Variants in MRC2 observed in about 807,000 individuals in gnomAD.
The protein encoded by MRC2 is C-type mannose receptor 2.
Under a neutral mutation model 206.2 loss-of-function variants are expected in MRC2, and 84 were observed. That is an observed-to-expected ratio of 0.41 (90% CI 0.34 to 0.49). MRC2 has a LOEUF of 0.49. Ranked by LOEUF, MRC2 falls within the 20% of genes least tolerant of loss-of-function variation. The pLI, the probability that MRC2 is intolerant of heterozygous loss-of-function variation, is 0.31. For missense variants in MRC2, 1,676 were observed against 2,001.5 expected (o/e 0.84, Z 3.10); for synonymous variants, 798 against 800.0 (o/e 1.00, Z 0.04).
chr17:62,656,294 C>A (rs2088618906), intron 1 of MRC2, among the ~76,000 whole-genome samples: 1 of 152,168 alleles, frequency 6.6e-6, no homozygotes, highest in Non-Finnish European at 1.5e-5. Flanking sequence ...ATTCACCCGC[C>A]TCGGCCTCCC....
At chr17:62,649,923 A>G (rs2088535551) in intron 1 of MRC2, among the ~76,000 whole-genome samples, 1 of 150,872 alleles carries the variant, frequency 6.6e-6, no homozygotes, top group Non-Finnish European at 1.5e-5. Context: ...TTTTGAGACA[A>G]GAGTGTCGCT....
chr17:62,654,315 C>T (rs2088592456), intron 1 of MRC2, among the ~76,000 whole-genome samples: 3 of 152,066 alleles, frequency 2.0e-5, no homozygotes. Context: ...TGCCTGCAGC[C>T]TTTGCTCCTG....
In MRC2 at chr17:62,666,604, C is replaced by G; in HGVS notation, c.844C>G (p.Gln282Glu). 6.3e-7 allele frequency: 1 copy of G among 1,592,788 alleles called. No homozygotes were observed. The highest frequency in any genetic ancestry group is 8.5e-7 in the Non-Finnish European group (1 of 1,169,984). ...GCTGAGCATCACGGAGATCCACGAG[C>G]AGACCTACATCAACGGTGAGCCGGG... is the stretch of plus-strand genomic sequence containing the variant. ...DLLSITEIHE[Q>E]TYINGLLTGY... is the part of the protein sequence containing the mutation. The change falls in exon 4 of 30, where the codon CAG (glutamine) becomes GAG (glutamate). Residue 282 changes from glutamine (Q) to glutamate (E), a missense_variant. Coordinates refer to ENST00000303375, the MANE Select transcript of MRC2 (RefSeq NM_006039.5). The surrounding 1 kb of genome is among the most constrained non-coding windows in gnomAD (Gnocchi z 5.0).
At position 62,680,338 on chromosome 17, in the gene MRC2, G is replaced by A; in HGVS notation, c.2437+30G>A. On this transcript the variant is annotated intron_variant, in intron 15 of 29. Coordinates refer to ENST00000303375, the MANE Select transcript of MRC2 (RefSeq NM_006039.5). This position sits in a 1 kb window ranked among gnomAD's most constrained non-coding sequence, Gnocchi z 4.8. ...GCCGGAGTGGCGCTGGGGGACGCGG[G>A]ATGGAGCGAAGGGTGGCGGGGCCAG... The A allele has an allele frequency of 1.2e-6, 2 of 1,613,712 alleles. No homozygotes were observed. The highest frequency in any genetic ancestry group is 1.7e-6 in the Non-Finnish European group (2 of 1,179,722).
chr17:62,690,424 A>G, intron 26 of MRC2, 119 bp downstream of exon 26: 1 of 1,403,342 alleles, frequency 7.1e-7, no homozygotes, highest in Non-Finnish European at 9.6e-7. Flanking sequence ...CTTACACAAG[A>G]TGCCCTCGTG....
chr17:62,674,453 G>C (rs1187330646), intron 9 of MRC2, among the ~76,000 whole-genome samples: 1 of 152,194 alleles, frequency 6.6e-6, no homozygotes, highest in East Asian at 1.9e-4. Flanking sequence ...GAACAGGGAG[G>C]TGGGGGCTGG....
At chr17:62,654,624 T>C (rs913560517) in intron 1 of MRC2, among the ~76,000 whole-genome samples, 1 of 152,068 alleles carries the variant, frequency 6.6e-6, no homozygotes, top group African/African-American at 2.4e-5. Context: ...ACACAAACTG[T>C]TGTCAAGCCT....
chr17:62,666,082 C>A lies in MRC2; in HGVS notation c.521-12C>A, dbSNP rs750466907. On this transcript the variant is annotated splice_polypyrimidine_tract_variant and intron_variant, in intron 2 of 29. Transcript: ENST00000303375. This position sits in a 1 kb window ranked among gnomAD's most constrained non-coding sequence, Gnocchi z 5.0. The stretch of plus-strand genomic sequence containing the variant: ...AGATGCCAAGGGCCTGGCCCCTGTC[C>A]ACCCCCTGCAGAGGTCTACACCATC... 9 of 1,576,856 alleles carry A rather than the reference C, an allele frequency of 5.7e-6. No homozygotes were observed. Among genetic ancestry groups the A allele is most frequent in the Non-Finnish European group, 7.8e-6 (9 of 1,160,946 alleles).
intron 27 of MRC2, 40 bp downstream of exon 27, chr17:62,690,801 G>A (rs1323068242): frequency 6.5e-7 from 1 of 1,542,862 alleles, no homozygotes; most frequent in Non-Finnish European, 8.7e-7. Context: ...TCAAGCCTCA[G>A]GCTGTAAGGG....
Position 62,674,948 on chromosome 17 carries a change from G to T in MRC2, c.1569+778G>T, listed in dbSNP as rs2088873270. Among the ~76,000 whole-genome samples, 3 of 152,030 alleles carry T rather than the reference G, an allele frequency of 2.0e-5. No homozygotes were observed. The South Asian group carries it at 6.2e-4, about 32-fold the overall frequency. ...ATTAAGCCCCTACCACACCCACCTG[G>T]ACCCCAAAGCCTCCCCCAGAAAATG... is the stretch of plus-strand genomic sequence containing the variant. On this transcript the variant is annotated intron_variant, in intron 9 of 29. Coordinates refer to ENST00000303375, the MANE Select transcript of MRC2 (RefSeq NM_006039.5).
At position 62,683,280 on chromosome 17, in the gene MRC2, C is replaced by A. The variant is rs184733039; in HGVS notation, c.2946+903C>A. Reference sequence around the variant, plus strand: ...GATTAGGAGTTCGAGACCAGCCTGACCAACATGGAGAAACCCCATCTCTAC... The same window carrying A: ...GATTAGGAGTTCGAGACCAGCCTGAACAACATGGAGAAACCCCATCTCTAC... On this transcript the variant is annotated intron_variant, in intron 20 of 29. Coordinates refer to ENST00000303375, the MANE Select transcript of MRC2 (RefSeq NM_006039.5). 4.3e-3 allele frequency among the ~76,000 whole-genome samples: 651 copies of A among 149,772 alleles called. 7 individuals are homozygous for A. Among genetic ancestry groups the A allele is most frequent in the African/African-American group, 0.015 (621 of 40,804 alleles).
At chr17:62,682,089 G>C in intron 19 of MRC2, 146 bp from the exon 20 acceptor site, 1 of 1,107,144 alleles carries the variant, frequency 9.0e-7, no homozygotes, top group Non-Finnish European at 1.3e-6. Context: ...CTGTCTCCAT[G>C]GTCCAGAAGA....
rs2088831245 is a variant in MRC2 at position 62,671,908 on chromosome 17, G to C, written c.1306+71G>C. 6.2e-7 allele frequency: 1 copy of C among 1,600,654 alleles called. No homozygotes were observed. The highest frequency in any genetic ancestry group is 8.5e-7 in the Non-Finnish European group (1 of 1,171,496). On this transcript the variant is annotated intron_variant, in intron 7 of 29. Transcript: ENST00000303375. This position sits in a 1 kb window ranked among gnomAD's most constrained non-coding sequence, Gnocchi z 4.5. ...CCACTGCCCCACCCATCCTGTCCAG[G>C]AGCCTCAGAGAATGTTCCTTCCTCC...
chr17:62,628,063 C>T, intron 1 of MRC2, 143 bp downstream of exon 1: 1 of 543,310 alleles, frequency 1.8e-6, no homozygotes, highest in Non-Finnish European at 2.9e-6. Flanking sequence ...GTTTTTAAAA[C>T]TCGTCTCCGC....
In MRC2 at chr17:62,675,185, A is replaced by T. The variant is rs976721075; in HGVS notation, c.1570-605A>T. Among the ~76,000 whole-genome samples, 1 of 152,134 alleles carries T rather than the reference A, an allele frequency of 6.6e-6. No homozygotes were observed. Among genetic ancestry groups the T allele is most frequent in the Non-Finnish European group, 1.5e-5 (1 of 68,006 alleles). The stretch of plus-strand genomic sequence containing the variant: ...TTTGTGTGGGGAGTGTTGAGGGTCC[A>T]TGGTTAACAGCCCAGGATCACCAGG... On this transcript the variant is annotated intron_variant, in intron 9 of 29. Transcript: ENST00000303375. The surrounding 1 kb of genome is among the most constrained non-coding windows in gnomAD (Gnocchi z 4.1).
intron 2 of MRC2, 90 bp downstream of exon 2, chr17:62,665,039 T>G: frequency 1.5e-6 from 2 of 1,360,704 alleles, no homozygotes; most frequent in Non-Finnish European, 2.0e-6. Flanking sequence ...ACAAGGCCTT[T>G]GGCCTCTGTG....
chr17:62,672,323 G>A lies in MRC2; in HGVS notation c.1461+171G>A, dbSNP rs918013786. On this transcript the variant is annotated intron_variant, in intron 8 of 29. Transcript: ENST00000303375. The surrounding 1 kb of genome is among the most constrained non-coding windows in gnomAD (Gnocchi z 4.5). ...CTTCCCTTCCATGTGAGAGACTGCC[G>A]GGGCTTGAATCCTACCTCCACCTCC... Among the ~76,000 whole-genome samples the A allele has an allele frequency of 3.9e-5, 6 of 152,072 alleles. No homozygotes were observed. The highest frequency in any genetic ancestry group is 7.4e-5 in the Non-Finnish European group (5 of 68,024).
At position 62,680,647 on chromosome 17, in the gene MRC2, C is replaced by T. The variant is rs1415155111; in HGVS notation, c.2474-153C>T. The T allele has an allele frequency of 3.3e-5, 42 of 1,269,450 alleles. No homozygotes were observed. Among genetic ancestry groups the T allele is most frequent in the Non-Finnish European group, 4.1e-5 (39 of 945,680 alleles). The allele number at this position is 1,269,450 out of a possible 1,614,324, so 78.6% of individuals were successfully genotyped here. ...GTGGGAGGCGAGGCAAGCCTGGGGC[C>T]TGGGGCCTGGCACGGTGCCTGCCTG... On this transcript the variant is annotated intron_variant, in intron 16 of 29. Coordinates refer to ENST00000303375, the MANE Select transcript of MRC2 (RefSeq NM_006039.5). This position sits in a 1 kb window ranked among gnomAD's most constrained non-coding sequence, Gnocchi z 4.8.
Position 62,666,017 on chromosome 17 carries a change from T to G in MRC2, c.521-77T>G, listed in dbSNP as rs2088748413. 8 of 1,452,862 alleles carry G rather than the reference T, an allele frequency of 5.5e-6. No individual in the cohort carries two copies. The Middle Eastern group carries it at 5.4e-4, about 98-fold the overall frequency. The allele number at this position is 1,452,862 out of a possible 1,614,324, so 90.0% of individuals were successfully genotyped here. ...CCCAGCACTCTGGGTTTTAGGGGAT[T>G]TCTCCTGAGGGTCGAGGGGCTTGGC... On this transcript the variant is annotated intron_variant, in intron 2 of 29. Coordinates refer to ENST00000303375, the MANE Select transcript of MRC2 (RefSeq NM_006039.5). The surrounding 1 kb of genome is among the most constrained non-coding windows in gnomAD (Gnocchi z 5.0).
Sources: gnomAD v4.1 joint callset for allele counts (sites outside exome capture counted in the v4.1 genomes callset) on GRCh38, gnomAD v4.1.1 for gene constraint, Gnocchi (gnomAD v3.1) non-coding constraint, MANE v1.5 for transcripts, NCBI Gene and HGNC (gene_info 2026-07-23, HGNC 2026-07-21) for gene names.